LARGE1: variants seen among roughly 807,000 people sequenced by gnomAD.
LARGE1 encodes LARGE xylosyl- and glucuronyltransferase 1.
A neutral mutation model predicts 87.6 loss-of-function variants in LARGE1; 43 were observed. The ratio of observed to expected loss-of-function variants is 0.49; its 90% confidence interval spans 0.38 to 0.63. The LOEUF is 0.63. Ranked by LOEUF, LARGE1 falls within the 30% of genes least tolerant of loss-of-function variation. The probability of loss-of-function intolerance (pLI) is 0.00; values close to 1 mark genes in which losing one functional copy is unlikely to be tolerated. For synonymous variants in LARGE1, 434 were observed against 394.6 expected, an observed-to-expected ratio of 1.10 and a Z score of -1.18; for missense variants, 802 against 1,000.2, an observed-to-expected ratio of 0.80 and a Z score of 2.67.
chr22:33,915,038 C>CAGAGAG (rs1385339734), intron 1 of LARGE1, among the ~76,000 whole-genome samples: 5 of 114,836 alleles, frequency 4.4e-5, no homozygotes, highest in African/African-American at 1.7e-4. Context: ...CACACACACA[C>CAGAGAG]ACACAGAGAG....
At chr22:33,601,176 G>T (rs956711639) in intron 5 of LARGE1, among the ~76,000 whole-genome samples, 1 of 152,180 alleles carries the variant, frequency 6.6e-6, no homozygotes, top group African/African-American at 2.4e-5. Flanking sequence ...CTTGTTTTTG[G>T]AAAGCTGACT....
intron 12 of LARGE1, among the ~76,000 whole-genome samples, chr22:33,292,553 T>C (rs1391932588): frequency 1.3e-5 from 2 of 152,030 alleles, no homozygotes; most frequent in African/African-American, 4.8e-5. Flanking sequence ...GGCTTACATG[T>C]CGAGGAGACA....
chr22:33,660,985 T>A (rs745633090), intron 2 of LARGE1, among the ~76,000 whole-genome samples: 3 of 152,142 alleles, frequency 2.0e-5, no homozygotes, highest in Non-Finnish European at 2.9e-5. Context: ...AATCATATTT[T>A]ACAGTAAAAA....
At chr22:33,502,724 A>G (rs2070529338) in intron 6 of LARGE1, among the ~76,000 whole-genome samples, 1 of 151,920 alleles carries the variant, frequency 6.6e-6, no homozygotes. Context: ...GCCTGCCACC[A>G]CGCCTGGCTA....
the LARGE1 span, among the ~76,000 whole-genome samples, chr22:33,101,718 T>C: frequency 1.3e-5 from 2 of 152,168 alleles, no homozygotes; most frequent in African/African-American, 4.8e-5. Flanking sequence ...GTGCTTCAGT[T>C]GACATTATAG....
chr22:33,323,968 A>G (rs1265131314), intron 10 of LARGE1, among the ~76,000 whole-genome samples: 1 of 152,178 alleles, frequency 6.6e-6, no homozygotes, highest in Non-Finnish European at 1.5e-5. Flanking sequence ...GCGGTGGCTC[A>G]CGCCTATAAT....
At chr22:33,801,605 C>T (rs934337535) in intron 1 of LARGE1, among the ~76,000 whole-genome samples, 2 of 152,158 alleles carry the variant, frequency 1.3e-5, no homozygotes, top group Admixed American at 1.3e-4. Flanking sequence ...TACGAGTCCT[C>T]TGTCAAATGT....
intron 2 of LARGE1, chr22:33,724,244 G>A (rs938261429): frequency 6.6e-6 from 1 of 152,476 alleles, no homozygotes; most frequent in African/African-American, 2.4e-5. Flanking sequence ...CACAGGTAGA[G>A]AAGTGTCAGC....
intron 9 of LARGE1, among the ~76,000 whole-genome samples, chr22:33,368,245 T>C (rs1003856384): frequency 3.3e-5 from 5 of 151,554 alleles, no homozygotes; most frequent in Admixed American, 1.3e-4. Flanking sequence ...TGAAAAAAAA[T>C]ATGGGCTGGG....
At chr22:33,375,253 A>G (rs2064953986) in intron 9 of LARGE1, among the ~76,000 whole-genome samples, 1 of 152,242 alleles carries the variant, frequency 6.6e-6, no homozygotes, top group Non-Finnish European at 1.5e-5. Context: ...TAAACTATAT[A>G]TTTGTGAACA....
rs117817087 is a variant in LARGE1, at chr22:33,522,223, G to A, written c.787+42625C>T. 3.4e-3 allele frequency among the ~76,000 whole-genome samples: 515 copies of A among 152,314 alleles called. 6 individuals carry two copies. Among genetic ancestry groups the A allele is most frequent in the South Asian group, 0.021 (103 of 4,828 alleles). ...CCCTTAGCTGCTGAGCTACTTGCCA[G>A]CTGTAACTGTATTACTGAGGAAGAG... is the stretch of plus-strand genomic sequence containing the variant. On this transcript the variant is annotated intron_variant, in intron 6 of 14. Transcript: ENST00000397394.
At chr22:33,524,152 G>A (rs765718178) in intron 6 of LARGE1, among the ~76,000 whole-genome samples, 8 of 151,922 alleles carry the variant, frequency 5.3e-5, no homozygotes, top group Non-Finnish European at 7.4e-5. Flanking sequence ...TTAGCAGGGC[G>A]TGGTGGCACA....
chr22:33,789,763 T>C (rs2085763920), intron 1 of LARGE1, among the ~76,000 whole-genome samples: 1 of 152,222 alleles, frequency 6.6e-6, no homozygotes, highest in South Asian at 2.1e-4. Flanking sequence ...TGTAGTTCCT[T>C]CATTTTGGCC....
At chr22:33,216,080 G>A (rs1183682335) in intron 11 of LARGE1, among the ~76,000 whole-genome samples, 3 of 152,158 alleles carry the variant, frequency 2.0e-5, no homozygotes, top group African/African-American at 7.2e-5. Context: ...CAGTTGTCTC[G>A]ATGCCTTTTA....
intron 6 of LARGE1, among the ~76,000 whole-genome samples, chr22:33,490,451 GC>G (rs564438634): frequency 8.6e-4 from 131 of 152,314 alleles, no homozygotes; most frequent in African/African-American, 3.0e-3. Flanking sequence ...TTAGCCCAGT[GC>G]CAAGAACATG....
chr22:33,096,560 G>GTT, the LARGE1 span, among the ~76,000 whole-genome samples: 2 of 127,532 alleles, frequency 1.6e-5, no homozygotes, highest in African/African-American at 3.1e-5. Flanking sequence ...GTTTGTTTTT[G>GTT]TTTTTGTTTT....
intron 6 of LARGE1, among the ~76,000 whole-genome samples, chr22:33,548,032 A>C (rs2077411873): frequency 6.6e-6 from 1 of 152,098 alleles, no homozygotes; most frequent in South Asian, 2.1e-4. Context: ...AGATGTTTCA[A>C]GGACTCTTAC....
At chr22:33,205,434 T>C (rs542528162) in intron 11 of LARGE1, among the ~76,000 whole-genome samples, 1 of 152,232 alleles carries the variant, frequency 6.6e-6, no homozygotes, top group Non-Finnish European at 1.5e-5. Flanking sequence ...TCTGTTCTTT[T>C]GAAGCTTATA....
intron 6 of LARGE1, among the ~76,000 whole-genome samples, chr22:33,540,644 C>G (rs1042414197): frequency 2.6e-5 from 4 of 152,142 alleles, no homozygotes; most frequent in Non-Finnish European, 5.9e-5. Flanking sequence ...TGAATCTCAA[C>G]CCTGGCCACA....
Sources: allele counts gnomAD v4.1 joint callset (sites outside exome capture counted in the v4.1 genomes callset), GRCh38; gene constraint gnomAD v4.1.1; transcripts MANE v1.5; gene names NCBI Gene and HGNC (gene_info 2026-07-23, HGNC 2026-07-21).